KANK1: variants seen among roughly 807,000 people sequenced by gnomAD.
KANK1 encodes the protein KN motif and ankyrin repeat domain-containing protein 1.
A neutral mutation model predicts 106.2 loss-of-function variants in KANK1; 109 were observed. The observed-to-expected ratio is 1.03, with a 90% CI of 0.88 to 1.20. KANK1 has a LOEUF of 1.20. Ranked by LOEUF, KANK1 falls within the 50% of genes most tolerant of loss-of-function variation. The pLI is 0.00. For missense variants in KANK1, 2,399 were observed against 1,710.7 expected, an observed-to-expected ratio of 1.40 and a Z score of -7.10; for synonymous variants, 873 against 652.2, an observed-to-expected ratio of 1.34 and a Z score of -5.16.
chr9:666,925 T>G (rs1219105636), intron 1 of KANK1, among the ~76,000 whole-genome samples: 1 of 90,702 alleles, frequency 1.1e-5, no homozygotes. Flanking sequence ...TTTTTTTTTT[T>G]GGTGGCCTTA....
At chr9:554,728 T>C (rs2061478664) in intron 1 of KANK1, among the ~76,000 whole-genome samples, 1 of 152,224 alleles carries the variant, frequency 6.6e-6, no homozygotes, top group Non-Finnish European at 1.5e-5. Flanking sequence ...TTTGACATTT[T>C]CAGCAATTGA....
At chr9:692,727 AT>A (rs1003196771) in intron 2 of KANK1, among the ~76,000 whole-genome samples, 5 of 144,524 alleles carry the variant, frequency 3.5e-5, no homozygotes, top group African/African-American at 5.1e-5. Context: ...AAAAAAAAAA[AT>A]TCTGGGCCAT....
At chr9:728,504 G>A (rs1034031179) in intron 3 of KANK1, among the ~76,000 whole-genome samples, 3 of 152,168 alleles carry the variant, frequency 2.0e-5, no homozygotes, top group Non-Finnish European at 2.9e-5. Flanking sequence ...CGGCCTCTTC[G>A]ATGTATATTG....
chr9:530,057 G>C (rs916788307), intron 1 of KANK1, among the ~76,000 whole-genome samples: 4 of 152,228 alleles, frequency 2.6e-5, no homozygotes, highest in Middle Eastern at 6.8e-3. Flanking sequence ...AAATTTATAA[G>C]AGCTGTTTGT....
At chr9:664,378 A>G (rs192290456) in intron 1 of KANK1, among the ~76,000 whole-genome samples, 1 of 152,276 alleles carries the variant, frequency 6.6e-6, no homozygotes, top group East Asian at 1.9e-4. Context: ...AGTTTCATCC[A>G]TCTTGCTCCA....
chr9:638,459 A>T (rs1003650824), intron 1 of KANK1, among the ~76,000 whole-genome samples: 2 of 152,152 alleles, frequency 1.3e-5, no homozygotes, highest in African/African-American at 2.4e-5. Context: ...GCTATGTCAG[A>T]GAGATTGTTT....
At chr9:502,405 C>G (rs550704311), upstream of KANK1, among the ~76,000 whole-genome samples, 1 of 152,222 alleles carries the variant, frequency 6.6e-6, no homozygotes, top group South Asian at 2.1e-4. Context: ...AATTCAGAAT[C>G]TGCCATACTT....
intron 1 of KANK1, among the ~76,000 whole-genome samples, chr9:518,352 G>C (rs1196500815): frequency 6.6e-6 from 1 of 151,566 alleles, no homozygotes; most frequent in Non-Finnish European, 1.5e-5. Context: ...CTCCCAGGCT[G>C]GGTTGTGTCA....
intron 1 of KANK1, among the ~76,000 whole-genome samples, chr9:614,397 T>G (rs1342793038): frequency 6.6e-6 from 1 of 152,208 alleles, no homozygotes. Flanking sequence ...TGCAGTTTTT[T>G]TAAATGAAAA....
At chr9:648,487 T>A (rs1337408574) in intron 1 of KANK1, among the ~76,000 whole-genome samples, 1 of 152,170 alleles carries the variant, frequency 6.6e-6, no homozygotes, top group African/African-American at 2.4e-5. Flanking sequence ...AATTTATCCA[T>A]TCATGCAAAA....
At chr9:498,092 A>C (rs769490893) in intron 3 of KANK1, among the ~76,000 whole-genome samples, 2 of 152,170 alleles carry the variant, frequency 1.3e-5, no homozygotes, top group African/African-American at 2.4e-5. Context: ...ATTCTGATCC[A>C]ACTTACTCTG....
chr9:526,823 G>A (rs2059813791), intron 1 of KANK1, among the ~76,000 whole-genome samples: 1 of 151,632 alleles, frequency 6.6e-6, no homozygotes, highest in South Asian at 2.1e-4. Context: ...GTCATTTCTT[G>A]ATTTTTTTAA....
chr9:660,913 G>C (rs1255533009), intron 1 of KANK1, among the ~76,000 whole-genome samples: 1 of 152,148 alleles, frequency 6.6e-6, no homozygotes, highest in Non-Finnish European at 1.5e-5. Flanking sequence ...CCTAGCTAAG[G>C]GATGTCCAAA....
intron 7 of KANK1, among the ~76,000 whole-genome samples, chr9:735,176 C>T (rs1026372225): frequency 3.3e-5 from 5 of 152,160 alleles, no homozygotes; most frequent in Non-Finnish European, 7.3e-5. Flanking sequence ...CAGTAAGATC[C>T]AGGGAGCAGC....
At chr9:644,845 G>A (rs1488346266) in intron 1 of KANK1, among the ~76,000 whole-genome samples, 1 of 151,240 alleles carries the variant, frequency 6.6e-6, no homozygotes, top group African/African-American at 2.5e-5. Context: ...GGCCTAGCAG[G>A]TGTGGTGGCT....
intron 1 of KANK1, among the ~76,000 whole-genome samples, chr9:525,662 C>T (rs539049241): frequency 8.6e-5 from 13 of 151,714 alleles, no homozygotes; most frequent in Admixed American, 3.3e-4. Context: ...TACAAAAAGC[C>T]GTAGAATTTC....
chr9:635,987 A>G (rs1837042197), intron 1 of KANK1, among the ~76,000 whole-genome samples: 2 of 152,040 alleles, frequency 1.3e-5, no homozygotes, highest in African/African-American at 4.8e-5. Context: ...ATTCCTTCTT[A>G]ATGAGGCACA....
intron 1 of KANK1, among the ~76,000 whole-genome samples, chr9:591,877 T>C (rs1824977146): frequency 1.3e-5 from 2 of 151,710 alleles, no homozygotes; most frequent in African/African-American, 4.9e-5. Context: ...CAGGCTGATC[T>C]CAAACTCCTG....
chr9:717,176 T>C (rs1028307344), intron 3 of KANK1, among the ~76,000 whole-genome samples: 1 of 151,578 alleles, frequency 6.6e-6, no homozygotes, highest in African/African-American at 2.4e-5. Flanking sequence ...TCCCAGCTAC[T>C]CAGGAGGCTG....
Sources: gnomAD v4.1 joint callset for allele counts (sites outside exome capture counted in the v4.1 genomes callset) on GRCh38, gnomAD v4.1.1 for gene constraint, MANE v1.5 for transcripts, NCBI Gene and HGNC (gene_info 2026-07-23, HGNC 2026-07-21) for gene names.